Variants in FOXK1 observed in about 807,000 individuals in gnomAD.
FOXK1 encodes forkhead box K1.
FOXK1 carries 19 observed loss-of-function variants against 51.9 expected under a neutral mutation model. That is an observed-to-expected ratio of 0.37 (90% CI 0.26 to 0.54). FOXK1 has a LOEUF of 0.54. FOXK1 is among the 20% of genes least tolerant of loss of function. The pLI is 0.87. For synonymous variants in FOXK1, 537 were observed against 482.6 expected, an observed-to-expected ratio of 1.11 and a Z score of -1.48; for missense variants, 870 against 1,032.7, an observed-to-expected ratio of 0.84 and a Z score of 2.16.
At chr7:4,708,314 C>G (rs1780130882) in intron 1 of FOXK1, among the ~76,000 whole-genome samples, 1 of 152,052 alleles carries the variant, frequency 6.6e-6, no homozygotes, top group African/African-American at 2.4e-5. Context: ...CCGCAGTGAC[C>G]CCAGCCGCCC....
Position 4,682,697 on chromosome 7 carries a change from C to A in FOXK1, c.389C>A (p.Ser130Ter). Residue 130 changes from serine (S) to a stop codon, truncating the protein, a stop_gained, in exon 1 of 9, where the codon TCG (serine) becomes TAG (stop). Coordinates refer to ENST00000328914, the MANE Select transcript of FOXK1 (RefSeq NM_001037165.2). LOFTEE classifies it high-confidence loss of function. This position sits in a 1 kb window ranked among gnomAD's most constrained non-coding sequence, Gnocchi z 7.6. ...AGCGTCACCATCGGCCGCAACTCGTCGCAGGGCTCGGTGGACTTGAGCATG... is the reference window on the plus strand; with the variant it reads ...AGCGTCACCATCGGCCGCAACTCGTAGCAGGGCTCGGTGGACTTGAGCATG... ...QPSVTIGRNS[S>*]QGSVDLSMGL... is the part of the protein sequence containing the mutation. 6.2e-7 allele frequency: 1 copy of A among 1,601,870 alleles called. No individual in the cohort carries two copies. The highest frequency in any genetic ancestry group is 8.5e-7 in the Non-Finnish European group (1 of 1,177,604).
chr7:4,703,736 A>G lies in FOXK1; in HGVS notation c.560+20868A>G, dbSNP rs1289826906. 6.6e-6 allele frequency among the ~76,000 whole-genome samples: 1 copy of G among 152,220 alleles called. No individual in the cohort carries two copies. The highest frequency in any genetic ancestry group is 2.4e-5 in the African/African-American group (1 of 41,468). On this transcript the variant is annotated intron_variant, in intron 1 of 8. Coordinates refer to ENST00000328914, the MANE Select transcript of FOXK1 (RefSeq NM_001037165.2). This position sits in a 1 kb window ranked among gnomAD's most constrained non-coding sequence, Gnocchi z 5.6. ...TGCTCGGGCGACCAGGAGGCCCTTC[A>G]GTGCTCCGGAGGCACTTTCAGAGCA...
chr7:4,726,616 C>T (rs542638060), intron 1 of FOXK1, among the ~76,000 whole-genome samples: 7 of 150,492 alleles, frequency 4.7e-5, no homozygotes, highest in Admixed American at 1.3e-4. Flanking sequence ...AGCGAGACTC[C>T]GTCTCAAAAA....
chr7:4,709,052 A>T lies in FOXK1; in HGVS notation c.560+26184A>T, dbSNP rs1423146370. ...TGCACTCCAGCCTGGGCAATGAGCG[A>T]GACTCTGTCTCAAAAAAAAAAAAAA... On this transcript the variant is annotated intron_variant, in intron 1 of 8. Coordinates refer to ENST00000328914, the MANE Select transcript of FOXK1 (RefSeq NM_001037165.2). The surrounding 1 kb of genome is among the most constrained non-coding windows in gnomAD (Gnocchi z 5.6). 1.4e-5 allele frequency among the ~76,000 whole-genome samples: 2 copies of T among 147,480 alleles called. No individual in the cohort carries two copies. The highest frequency in any genetic ancestry group is 3.0e-5 in the Non-Finnish European group (2 of 67,076).
At position 4,747,131 on chromosome 7, in the gene FOXK1, C is replaced by T. The variant is rs985509297; in HGVS notation, c.746+6108C>T. On this transcript the variant is annotated intron_variant, in intron 2 of 8. Coordinates refer to ENST00000328914, the MANE Select transcript of FOXK1 (RefSeq NM_001037165.2). The surrounding 1 kb of genome is among the most constrained non-coding windows in gnomAD (Gnocchi z 9.2). ...CGAATCTGTTGAAAGGACATCCCCA[C>T]GCCCGCGTTTCCTGTAATCTCGGAG... 3.9e-5 allele frequency among the ~76,000 whole-genome samples: 6 copies of T among 152,212 alleles called. No individual in the cohort carries two copies. The highest frequency in any genetic ancestry group is 2.6e-4 in the Admixed American group (4 of 15,266).
At position 4,734,706 on chromosome 7, in the gene FOXK1, T is replaced by TG. The variant is rs943181598; in HGVS notation, c.561-6126dup. Among the ~76,000 whole-genome samples the TG allele has an allele frequency of 6.6e-6, 1 of 152,246 alleles. No individual in the cohort carries two copies. The highest frequency in any genetic ancestry group is 1.9e-4 in the East Asian group (1 of 5,164). On this transcript the variant is annotated intron_variant, in intron 1 of 8. Transcript: ENST00000328914. This position sits in a 1 kb window ranked among gnomAD's most constrained non-coding sequence, Gnocchi z 5.2. Reference sequence around the variant, plus strand: ...ATAGCTGGGCTCAGCTCTGGAAGCTTGGGGGGCTGAGAGCCTCTGGTCCTC... The same window carrying TG: ...ATAGCTGGGCTCAGCTCTGGAAGCTTGGGGGGGCTGAGAGCCTCTGGTCCTC...
At chr7:4,691,395 T>C (rs1779889199) in intron 1 of FOXK1, among the ~76,000 whole-genome samples, 1 of 152,120 alleles carries the variant, frequency 6.6e-6, no homozygotes, top group Admixed American at 6.6e-5. Flanking sequence ...AGTGCAGTGG[T>C]GCAATCTCAG....
Position 4,768,025 on chromosome 7 carries a change from A to C in FOXK1, c.*5561A>C, listed in dbSNP as rs559739805. The C allele has an allele frequency of 1.3e-5, 2 of 151,490 alleles. No homozygotes were observed. Among genetic ancestry groups the C allele is most frequent in the Non-Finnish European group, 1.5e-5 (1 of 67,980 alleles). The allele number at this position is 151,490 out of a possible 1,614,324, so 9.4% of individuals were successfully genotyped here. On this transcript the variant is annotated 3_prime_UTR_variant, in exon 9 of 9. Transcript: ENST00000328914. ...GTCCTCCCTGTCACCCAAACCCCGA[A>C]GTCACAGCTGCTTAGAAGAATGGGA... is the stretch of plus-strand genomic sequence containing the variant.
At chr7:4,702,083 C>A (rs563889309) in intron 1 of FOXK1, among the ~76,000 whole-genome samples, 3 of 152,102 alleles carry the variant, frequency 2.0e-5, no homozygotes, top group South Asian at 2.1e-4. Flanking sequence ...TCAAAAAAAA[C>A]CCCAAAAAGC....
At position 4,745,385 on chromosome 7, in the gene FOXK1, G is replaced by C. The variant is rs540234678; in HGVS notation, c.746+4362G>C. Among the ~76,000 whole-genome samples the C allele has an allele frequency of 6.6e-6, 1 of 151,208 alleles. No individual in the cohort carries two copies. The highest frequency in any genetic ancestry group is 1.5e-5 in the Non-Finnish European group (1 of 67,854). The stretch of plus-strand genomic sequence containing the variant: ...TCAGCTGCCCCTGCCCCCGCCCCCC[G>C]CGCCACCCTGCGTCCTTCCTTTCCG... On this transcript the variant is annotated intron_variant, in intron 2 of 8. Coordinates refer to ENST00000328914, the MANE Select transcript of FOXK1 (RefSeq NM_001037165.2). The surrounding 1 kb of genome is among the most constrained non-coding windows in gnomAD (Gnocchi z 4.3).
At chr7:4,733,000 C>T (rs1377639710) in intron 1 of FOXK1, among the ~76,000 whole-genome samples, 1 of 152,186 alleles carries the variant, frequency 6.6e-6, no homozygotes, top group Admixed American at 6.5e-5. Flanking sequence ...TTCAGTTCTC[C>T]TGGGAACTTT....
chr7:4,719,535 G>T (rs1780282131), intron 1 of FOXK1, among the ~76,000 whole-genome samples: 1 of 152,134 alleles, frequency 6.6e-6, no homozygotes, highest in African/African-American at 2.4e-5. Flanking sequence ...AGGCTGGAGT[G>T]CAGTGGCGAG....
rs533796880 is a variant in FOXK1, at chr7:4,709,626, A to G, written c.560+26758A>G. On this transcript the variant is annotated intron_variant, in intron 1 of 8. Coordinates refer to ENST00000328914, the MANE Select transcript of FOXK1 (RefSeq NM_001037165.2). This position sits in a 1 kb window ranked among gnomAD's most constrained non-coding sequence, Gnocchi z 5.6. ...AAAAGGGGAGGTTGCAGAAGATTTT[A>G]ACTTTGTTAAAATCATGAACTGGTT... Among the ~76,000 whole-genome samples the G allele has an allele frequency of 6.6e-6, 1 of 152,196 alleles. No individual in the cohort carries two copies. The highest frequency in any genetic ancestry group is 1.5e-5 in the Non-Finnish European group (1 of 68,042).
At chr7:4,694,821 G>T (rs921571756) in intron 1 of FOXK1, among the ~76,000 whole-genome samples, 3 of 152,122 alleles carry the variant, frequency 2.0e-5, no homozygotes, top group Non-Finnish European at 2.9e-5. Flanking sequence ...GGAGCCAGAG[G>T]AACTGACGCC....
intron 1 of FOXK1, 58 bp from the exon 2 acceptor site, chr7:4,740,780 G>A (rs1780623086): frequency 1.3e-6 from 2 of 1,531,660 alleles, no homozygotes; most frequent in East Asian, 2.5e-5. Flanking sequence ...TTCCCTGGGT[G>A]TTGGCGTCTT....
At chr7:4,742,049 T>TGTGGCTCTGCAGATGC (rs1780640974) in intron 2 of FOXK1, among the ~76,000 whole-genome samples, 2 of 152,400 alleles carry the variant, frequency 1.3e-5, no homozygotes, top group African/African-American at 4.8e-5. Flanking sequence ...ACCGCACGTC[T>TGTGGCTCTGCAGATGC]GTGGCTCTGC....
Position 4,682,907 on chromosome 7 carries a change from C to A in FOXK1, c.560+39C>A. 7.0e-7 allele frequency: 1 copy of A among 1,420,940 alleles called. No homozygotes were observed. The highest frequency in any genetic ancestry group is 9.2e-7 in the Non-Finnish European group (1 of 1,083,720). 88.0% of individuals were successfully genotyped at this position (1,420,940 alleles called of 1,614,324 possible). The stretch of plus-strand genomic sequence containing the variant: ...CGACCCCCGCCGCCCGCACCCGGGG[C>A]TCGCCCACGACCTCGATCTCTGAGG... On this transcript the variant is annotated intron_variant, in intron 1 of 8. Transcript: ENST00000328914. This position sits in a 1 kb window ranked among gnomAD's most constrained non-coding sequence, Gnocchi z 7.6.
In FOXK1 at chr7:4,730,800, T is replaced by C. The variant is rs1179115552; in HGVS notation, c.561-10038T>C. On this transcript the variant is annotated intron_variant, in intron 1 of 8. Coordinates refer to ENST00000328914, the MANE Select transcript of FOXK1 (RefSeq NM_001037165.2). This position sits in a 1 kb window ranked among gnomAD's most constrained non-coding sequence, Gnocchi z 4.7. The stretch of plus-strand genomic sequence containing the variant: ...TTCCATTTTTAATAGAAAGACAGTA[T>C]TTTAGGTTAAAAAATTTAAGGTTGT... 1.3e-5 allele frequency among the ~76,000 whole-genome samples: 2 copies of C among 152,224 alleles called. No individual in the cohort carries two copies. Among genetic ancestry groups the C allele is most frequent in the African/African-American group, 2.4e-5 (1 of 41,458 alleles).
rs1780839139 is a variant in FOXK1 at position 4,755,808 on chromosome 7, A to C, written c.1050+425A>C. Among the ~76,000 whole-genome samples, 3 of 152,198 alleles carry C rather than the reference A, an allele frequency of 2.0e-5. No individual in the cohort carries two copies. The highest frequency in any genetic ancestry group is 7.2e-5 in the African/African-American group (3 of 41,452). On this transcript the variant is annotated intron_variant, in intron 4 of 8. Transcript: ENST00000328914. This position sits in a 1 kb window ranked among gnomAD's most constrained non-coding sequence, Gnocchi z 6.6. The stretch of plus-strand genomic sequence containing the variant: ...TGTTTTCACGAATGGCATATGGTAC[A>C]TCTGAAAGGCATTAGCGCTGTGATA...
Sources: allele counts gnomAD v4.1 joint callset (sites outside exome capture counted in the v4.1 genomes callset), GRCh38; gene constraint gnomAD v4.1.1; non-coding constraint Gnocchi (gnomAD v3.1); transcripts MANE v1.5; gene names NCBI Gene and HGNC (gene_info 2026-07-23, HGNC 2026-07-21).